The following CUX2 variants were observed in gnomAD, a reference collection of about 807,000 sequenced individuals.
CUX2 encodes the protein homeobox protein cut-like 2.
CUX2 carries 40 observed loss-of-function variants against 144.8 expected under a neutral mutation model. The observed-to-expected ratio is 0.28, with a 90% CI of 0.21 to 0.36. The LOEUF (loss-of-function observed/expected upper bound fraction) is 0.36. Among genes scored for constraint, CUX2 ranks in the 10% least tolerant of loss-of-function variants. The pLI, the probability that CUX2 is intolerant of heterozygous loss-of-function variation, is 1.00. For synonymous variants in CUX2, 827 were observed against 875.6 expected, an observed-to-expected ratio of 0.94 and a Z score of 0.98; for missense variants, 1,615 against 1,994.0, an observed-to-expected ratio of 0.81 and a Z score of 3.62.
intron 18 of CUX2, among the ~76,000 whole-genome samples, chr12:111,323,612 G>C (rs1197665757): frequency 6.7e-6 from 1 of 150,282 alleles, no homozygotes; most frequent in Non-Finnish European, 1.5e-5. Flanking sequence ...GGCAATAGAG[G>C]GAGACCGTGT....
At position 111,287,193 on chromosome 12, in the gene CUX2, C is replaced by A. The variant is rs746652520; in HGVS notation, c.302-4225C>A. Among the ~76,000 whole-genome samples, 12 of 152,340 alleles carry A rather than the reference C, an allele frequency of 7.9e-5. No homozygotes were observed. Among genetic ancestry groups the A allele is most frequent in the South Asian group, 4.1e-4 (2 of 4,828 alleles). Reference sequence around the variant, plus strand: ...TCGGAGTAGAACGAAATGTCAATACCTAATCCCTGCGAACAGGGTGAGTGA... The same window carrying A: ...TCGGAGTAGAACGAAATGTCAATACATAATCCCTGCGAACAGGGTGAGTGA... On this transcript the variant is annotated intron_variant, in intron 4 of 21. Transcript: ENST00000261726. The surrounding 1 kb of genome is among the most constrained non-coding windows in gnomAD (Gnocchi z 4.2).
intron 18 of CUX2, among the ~76,000 whole-genome samples, chr12:111,325,309 AAGC>A (rs1887723419): frequency 2.0e-5 from 3 of 151,800 alleles, no homozygotes; most frequent in Non-Finnish European, 2.9e-5. Flanking sequence ...AAAAAAAAAA[AAGC>A]AGCCATGCTA....
intron 1 of CUX2, among the ~76,000 whole-genome samples, chr12:111,043,941 G>C (rs1869871517): frequency 6.6e-6 from 1 of 152,148 alleles, no homozygotes; most frequent in Admixed American, 6.5e-5. Flanking sequence ...TGCTGCGCTG[G>C]AAATCCATCC....
intron 1 of CUX2, among the ~76,000 whole-genome samples, chr12:111,060,155 G>C (rs1481333274): frequency 6.6e-6 from 1 of 152,042 alleles, no homozygotes; most frequent in Admixed American, 6.6e-5. Context: ...ATTGTTTATG[G>C]GACAAAGTCC....
chr12:111,152,533 A>G (rs1041435070), intron 1 of CUX2, among the ~76,000 whole-genome samples: 1 of 152,144 alleles, frequency 6.6e-6, no homozygotes, highest in Non-Finnish European at 1.5e-5. Context: ...TGGGGTTTCT[A>G]TGCAAAATCA....
intron 3 of CUX2, among the ~76,000 whole-genome samples, chr12:111,224,422 G>A (rs1378754200): frequency 1.3e-5 from 2 of 151,200 alleles, no homozygotes; most frequent in Admixed American, 1.3e-4. Context: ...AGCCCCATGT[G>A]CTGCGTCCTT....
chr12:111,184,573 C>CAAAAAAAA (rs71445536), intron 1 of CUX2, among the ~76,000 whole-genome samples: 3 of 46,910 alleles, frequency 6.4e-5, no homozygotes, highest in Non-Finnish European at 1.5e-4. Flanking sequence ...TTCTCTCTAC[C>CAAAAAAAA]AAAAAAAAAA....
At chr12:111,200,989 G>T (rs1315102022) in intron 1 of CUX2, among the ~76,000 whole-genome samples, 2 of 152,162 alleles carry the variant, frequency 1.3e-5, no homozygotes, top group African/African-American at 2.4e-5. Flanking sequence ...CAATAGTGGG[G>T]CAGGGGGAGG....
intron 3 of CUX2, among the ~76,000 whole-genome samples, chr12:111,247,299 G>A (rs1206761797): frequency 1.3e-5 from 2 of 152,188 alleles, no homozygotes; most frequent in Admixed American, 1.3e-4. Context: ...TCCCGGGGCT[G>A]TCTCCAGCCA....
intron 1 of CUX2, among the ~76,000 whole-genome samples, chr12:111,067,880 A>G (rs1343529064): frequency 6.6e-6 from 1 of 152,206 alleles, no homozygotes; most frequent in Non-Finnish European, 1.5e-5. Context: ...GGGCAGTGAC[A>G]TGGCCATGTT....
chr12:111,320,232 C>T lies in CUX2; in HGVS notation c.2223C>T (p.Ala741=). ...TGGCCACCGCGAGCCAGAACGGGGC[C>T]CCGGCCTTGGTGAAGCAGGAGGAGG... is the stretch of plus-strand genomic sequence containing the variant. The part of the protein sequence containing the change: ...PSLATASQNG[A]PALVKQEEGS... The change falls in exon 17 of 22, where the codon GCC becomes GCT. Residue 741 remains alanine (A), a synonymous_variant. Coordinates refer to ENST00000261726, the MANE Select transcript of CUX2 (RefSeq NM_015267.4). The surrounding 1 kb of genome is among the most constrained non-coding windows in gnomAD (Gnocchi z 8.1). The T allele has an allele frequency of 6.4e-7, 1 of 1,572,110 alleles. No homozygotes were observed. The highest frequency in any genetic ancestry group is 8.6e-7 in the Non-Finnish European group (1 of 1,167,040).
chr12:111,292,816 A>G (rs1462193367), intron 5 of CUX2, among the ~76,000 whole-genome samples: 1 of 151,870 alleles, frequency 6.6e-6, no homozygotes, highest in Non-Finnish European at 1.5e-5. Context: ...GTCACTGCAA[A>G]ATGGTGGTTA....
intron 1 of CUX2, among the ~76,000 whole-genome samples, chr12:111,150,244 G>C (rs1876949814): frequency 6.6e-6 from 1 of 152,112 alleles, no homozygotes; most frequent in Admixed American, 6.5e-5. Context: ...TCCATCATTT[G>C]AATGTTTTAG....
chr12:111,217,601 T>A (rs1190341986), intron 2 of CUX2, among the ~76,000 whole-genome samples: 1 of 152,216 alleles, frequency 6.6e-6, no homozygotes, highest in Non-Finnish European at 1.5e-5. Flanking sequence ...ATGATCACAT[T>A]CATTTGAGAA....
intron 4 of CUX2, among the ~76,000 whole-genome samples, chr12:111,278,852 C>G (rs567551146): frequency 6.6e-6 from 1 of 152,284 alleles, no homozygotes; most frequent in East Asian, 1.9e-4. Flanking sequence ...TCAGGTTTGC[C>G]AAGCTGCCCG....
intron 1 of CUX2, among the ~76,000 whole-genome samples, chr12:111,044,004 G>A (rs551207957): frequency 1.3e-5 from 2 of 152,302 alleles, no homozygotes; most frequent in African/African-American, 4.8e-5. Context: ...GCACAGACTC[G>A]TACCTGGGAC....
chr12:111,167,358 G>A (rs1212130329), intron 1 of CUX2, among the ~76,000 whole-genome samples: 1 of 152,042 alleles, frequency 6.6e-6, no homozygotes, highest in East Asian at 1.9e-4. Flanking sequence ...CCTGCCTCTC[G>A]GTTCTGTAGC....
chr12:111,329,766 G>C (rs1888007956), intron 18 of CUX2, among the ~76,000 whole-genome samples: 1 of 152,198 alleles, frequency 6.6e-6, no homozygotes, highest in Non-Finnish European at 1.5e-5. Flanking sequence ...CTCCAGAGTA[G>C]CTGGGGCTAC....
chr12:111,241,065 G>A (rs373831947), intron 3 of CUX2, among the ~76,000 whole-genome samples: 25 of 152,124 alleles, frequency 1.6e-4, no homozygotes, highest in East Asian at 5.8e-4. Flanking sequence ...TTGGCTCACC[G>A]TTCTGATGGC....
Sources: allele counts gnomAD v4.1 joint callset (sites outside exome capture counted in the v4.1 genomes callset), GRCh38; gene constraint gnomAD v4.1.1; non-coding constraint Gnocchi (gnomAD v3.1); transcripts MANE v1.5; gene names NCBI Gene and HGNC (gene_info 2026-07-23, HGNC 2026-07-21).